Variants in TNFAIP8 observed in about 807,000 individuals in gnomAD.
The protein encoded by TNFAIP8 is TNF alpha induced protein 8.
In TNFAIP8, 7 loss-of-function variants were observed where a neutral mutation model predicts 13.3. That is an observed-to-expected ratio of 0.52 (90% confidence interval 0.30 to 0.99). The LOEUF is 0.99. Among genes scored for constraint, TNFAIP8 ranks in the 50% least tolerant of loss-of-function variants. The pLI, the probability that TNFAIP8 is intolerant of heterozygous loss-of-function variation, is 0.07. For synonymous variants in TNFAIP8, 94 were observed against 87.6 expected (o/e 1.07, Z -0.41); for missense variants, 258 against 236.9 (o/e 1.09, Z -0.58).
intron 1 of TNFAIP8, among the ~76,000 whole-genome samples, chr5:119,292,667 TATATATATATATATATATACACACAC>T (rs1365822392): frequency 1.1e-4 from 5 of 44,478 alleles, no homozygotes; most frequent in African/African-American, 2.1e-4. Flanking sequence ...TATATATATA[TATATATATATATATATATACACACAC>T]ACACAATGAA....
At chr5:119,277,385 C>G (rs940430112) in intron 1 of TNFAIP8, among the ~76,000 whole-genome samples, 2 of 152,036 alleles carry the variant, frequency 1.3e-5, no homozygotes, top group African/African-American at 4.8e-5. Context: ...AGTGTAGACA[C>G]AAGTTTCCAT....
intron 1 of TNFAIP8, among the ~76,000 whole-genome samples, chr5:119,281,306 ACTCTCT>A (rs34012819): frequency 1.8e-5 from 2 of 114,132 alleles, no homozygotes; most frequent in Non-Finnish European, 3.7e-5. Flanking sequence ...ACACACACAC[ACTCTCT>A]CTCTCTCACA....
chr5:119,333,403 T>A, intron 1 of TNFAIP8: 3 of 1,355,932 alleles, frequency 2.2e-6, no homozygotes, highest in Non-Finnish European at 2.8e-6. Context: ...AGTTGACCAG[T>A]GCCTTCTGTG....
chr5:119,334,032 G>A (rs1043980649), intron 1 of TNFAIP8, among the ~76,000 whole-genome samples: 3 of 151,686 alleles, frequency 2.0e-5, no homozygotes, highest in Non-Finnish European at 2.9e-5. Flanking sequence ...CAGTGGTCTG[G>A]TAGCAGTGGT....
chr5:119,363,322 G>C (rs1254838207), intron 1 of TNFAIP8, among the ~76,000 whole-genome samples: 1 of 152,226 alleles, frequency 6.6e-6, no homozygotes, highest in African/African-American at 2.4e-5. Context: ...TATTCAGTTA[G>C]TATTTAGCAG....
chr5:119,268,785 C>G lies in TNFAIP8; in HGVS notation c.-122C>G. The stretch of plus-strand genomic sequence containing the variant: ...TCTGCCTCCTTTTCTCCCGCCGGCT[C>G]TAACCCGCGCTTGGCTAAGGTCCGC... On this transcript the variant is annotated 5_prime_UTR_variant, in exon 1 of 2. Coordinates refer to the TNFAIP8 transcript ENST00000274456. 7 of 687,412 alleles carry G rather than the reference C, an allele frequency of 1.0e-5. 1 individual carries two copies. Among genetic ancestry groups the G allele is most frequent in the Non-Finnish European group, 1.8e-5 (7 of 378,908 alleles). 42.6% of individuals were successfully genotyped at this position (687,412 alleles called of 1,614,324 possible).
At chr5:119,328,233 C>A (rs62375112) in intron 1 of TNFAIP8, among the ~76,000 whole-genome samples, 2,341 of 152,260 alleles carry the variant, frequency 0.015, 34 homozygotes, top group South Asian at 0.038. Context: ...TTCTGACCCT[C>A]AACCCTTGCC....
At chr5:119,293,330 T>G (rs1749056953) in intron 1 of TNFAIP8, among the ~76,000 whole-genome samples, 1 of 152,200 alleles carries the variant, frequency 6.6e-6, no homozygotes, top group Admixed American at 6.5e-5. Flanking sequence ...AATTGAAATT[T>G]TATGTCTTTT....
At chr5:119,310,922 A>G (rs893005996) in intron 1 of TNFAIP8, among the ~76,000 whole-genome samples, 3 of 152,144 alleles carry the variant, frequency 2.0e-5, no homozygotes, top group Non-Finnish European at 4.4e-5. Flanking sequence ...CCATACTCTT[A>G]AAACCTACTT....
In TNFAIP8 at chr5:119,289,012, C is replaced by T. The variant is rs76833216; in HGVS notation, c.1+20105C>T. 3.3e-5 allele frequency among the ~76,000 whole-genome samples: 5 copies of T among 152,302 alleles called. No homozygotes were observed. The East Asian group carries it at 7.7e-4, about 23-fold the overall frequency. On this transcript the variant is annotated intron_variant, in intron 1 of 1. Transcript: ENST00000274456. ...AGTGAGAACCAACTGCTTCCTAGCA[C>T]GGTTTTGTAGCTTTCTTTTATGGAG...
chr5:119,332,013 C>T (rs1305309180), intron 1 of TNFAIP8, among the ~76,000 whole-genome samples: 1 of 152,086 alleles, frequency 6.6e-6, no homozygotes, highest in Non-Finnish European at 1.5e-5. Context: ...GCATGAAGGG[C>T]CAGTCAGAAT....
rs916904036 is a variant in TNFAIP8, at chr5:119,397,404, G to C, written c.*4023G>C. 1.5e-4 allele frequency: 23 copies of C among 152,226 alleles called. No homozygotes were observed. Among genetic ancestry groups the C allele is most frequent in the African/African-American group, 5.5e-4 (23 of 41,544 alleles). The allele number at this position is 152,226 out of a possible 1,614,324, so 9.4% of individuals were successfully genotyped here. A position where few individuals can be genotyped will look rare whatever the true frequency, so the allele number is the denominator to read the frequency against. ...TACTCCAGTAAAATGAATTAAATTA[G>C]CATGTTAATAAGAGTGATAATATTT... On this transcript the variant is annotated 3_prime_UTR_variant, in exon 2 of 2. Transcript: ENST00000504771.
chr5:119,297,042 A>G (rs371449261), intron 1 of TNFAIP8, among the ~76,000 whole-genome samples: 23 of 152,138 alleles, frequency 1.5e-4, no homozygotes, highest in Admixed American at 3.3e-4. Context: ...TCTTGCTAGC[A>G]GTCTATCAAT....
At chr5:119,351,491 C>T (rs576272469), upstream of TNFAIP8, among the ~76,000 whole-genome samples, 9 of 152,248 alleles carry the variant, frequency 5.9e-5, no homozygotes, top group East Asian at 9.6e-4. Flanking sequence ...GATAATTTAG[C>T]CTAACTGTAG....
At chr5:119,303,147 G>A (rs1490368712) in intron 1 of TNFAIP8, among the ~76,000 whole-genome samples, 1 of 152,114 alleles carries the variant, frequency 6.6e-6, no homozygotes, top group Non-Finnish European at 1.5e-5. Context: ...TCCTTTAGGG[G>A]AGCAGCTATG....
At chr5:119,374,379 T>G (rs1462119601) in intron 1 of TNFAIP8, among the ~76,000 whole-genome samples, 1 of 152,230 alleles carries the variant, frequency 6.6e-6, no homozygotes, top group Admixed American at 6.5e-5. Context: ...ATGCTCAACC[T>G]GTACCGATAG....
intron 1 of TNFAIP8, among the ~76,000 whole-genome samples, chr5:119,271,086 G>A (rs911888084): frequency 1.3e-5 from 2 of 152,212 alleles, no homozygotes; most frequent in African/African-American, 4.8e-5. Flanking sequence ...AGGACAGGCT[G>A]TCCTGGGATC....
At chr5:119,305,848 G>A (rs944271330) in intron 1 of TNFAIP8, among the ~76,000 whole-genome samples, 19 of 152,160 alleles carry the variant, frequency 1.2e-4, no homozygotes, top group African/African-American at 4.1e-4. Context: ...TTCATTCTTG[G>A]ATGGAGGGCC....
At chr5:119,283,644 T>C (rs559996864) in intron 1 of TNFAIP8, among the ~76,000 whole-genome samples, 1 of 152,278 alleles carries the variant, frequency 6.6e-6, no homozygotes, top group African/African-American at 2.4e-5. Context: ...GAGAAATTGC[T>C]CTTACTCCCT....
Sources: gnomAD v4.1 joint callset for allele counts (sites outside exome capture counted in the v4.1 genomes callset) on GRCh38, gnomAD v4.1.1 for gene constraint, MANE v1.5 for transcripts, NCBI Gene and HGNC (gene_info 2026-07-23, HGNC 2026-07-21) for gene names.